The following MAP3K10 variants were observed in gnomAD, a reference collection of about 807,000 sequenced individuals.
MAP3K10 encodes the protein MKN28 derived nonreceptor_type serine/threonine kinase.
MAP3K10 carries 22 observed loss-of-function variants against 75.0 expected under a neutral mutation model. That is an observed-to-expected ratio of 0.29 (90% confidence interval 0.21 to 0.42). The LOEUF (loss-of-function observed/expected upper bound fraction) is 0.42, where lower values mean the gene tolerates loss of function less well. MAP3K10 is among the 10% of genes least tolerant of loss of function. MAP3K10 has a pLI of 1.00. For synonymous variants in MAP3K10, 599 were observed against 612.9 expected, an observed-to-expected ratio of 0.98 and a Z score of 0.34; for missense variants, 1,165 against 1,379.8, an observed-to-expected ratio of 0.84 and a Z score of 2.47.
rs113888448 is a variant in MAP3K10 at position 40,212,284 on chromosome 19, A to C, written c.1553-521A>C. 1.2e-4 allele frequency among the ~76,000 whole-genome samples: 18 copies of C among 152,104 alleles called. No individual in the cohort carries two copies. Among genetic ancestry groups the C allele is most frequent in the African/African-American group, 4.1e-4 (17 of 41,486 alleles). On this transcript the variant is annotated intron_variant, in intron 6 of 9. Coordinates refer to ENST00000253055, the MANE Select transcript of MAP3K10 (RefSeq NM_002446.4). This position sits in a 1 kb window ranked among gnomAD's most constrained non-coding sequence, Gnocchi z 4.2. Reference sequence around the variant, plus strand: ...GAAAGGCTAGCTCCCAAGTTCCAACACCTCATTCACCCCAGCACTGTCCCC... The same window carrying C: ...GAAAGGCTAGCTCCCAAGTTCCAACCCCTCATTCACCCCAGCACTGTCCCC...
chr19:40,194,158 C>T (rs969132731), intron 1 of MAP3K10, among the ~76,000 whole-genome samples: 3 of 152,066 alleles, frequency 2.0e-5, no homozygotes, highest in African/African-American at 4.8e-5. Flanking sequence ...GTCAGGAGTT[C>T]GAGACCAGCC....
chr19:40,206,117 C>G lies in MAP3K10; in HGVS notation c.1395C>G (p.Leu465=), dbSNP rs769604843. ...RKGNFKRSRL[L]KLREGGSHIS... ...GCAACTTCAAGCGCAGCCGCCTGCT[C>G]AAGCTGCGGGAAGGCGGCAGCCACA... Residue 465 remains leucine, a synonymous_variant, in exon 5 of 10, where the codon CTC becomes CTG. Coordinates refer to ENST00000253055, the MANE Select transcript of MAP3K10 (RefSeq NM_002446.4). 2 of 1,611,646 alleles carry G rather than the reference C, an allele frequency of 1.2e-6. No homozygotes were observed. The highest frequency in any genetic ancestry group is 1.7e-6 in the Non-Finnish European group (2 of 1,178,748).
At position 40,198,789 on chromosome 19, in the gene MAP3K10, C is replaced by T. The variant is rs747188383; in HGVS notation, c.863+234C>T. ...AGCTCATAGGATCTAGAGACAAGGC[C>T]GGGCGCGGGGGCGCACACCTGTAAT... On this transcript the variant is annotated intron_variant, in intron 2 of 9. Coordinates refer to ENST00000253055, the MANE Select transcript of MAP3K10 (RefSeq NM_002446.4). This position sits in a 1 kb window ranked among gnomAD's most constrained non-coding sequence, Gnocchi z 4.3. Among the ~76,000 whole-genome samples the T allele has an allele frequency of 3.3e-5, 5 of 152,252 alleles. No individual in the cohort carries two copies. Among genetic ancestry groups the T allele is most frequent in the Admixed American group, 1.3e-4 (2 of 15,286 alleles).
rs766421744 is a variant in MAP3K10 at position 40,206,048 on chromosome 19, G to A, written c.1326G>A (p.Met442Ile). The change falls in exon 5 of 10, where the codon ATG becomes ATA. Residue 442 changes from methionine (M) to isoleucine (I), a missense_variant. Physicochemically the swap from Met to Ile is conservative, Grantham distance 10. This residue lies in a region of MAP3K10 where 575 missense variants were observed against 793.2 expected (regional missense o/e 0.72). Transcript: ENST00000253055. ...DIVERELHLL[M>I]CQLSQEKPRV... ...TGGAACGGGAGCTGCACCTGCTCAT[G>A]TGCCAGCTGAGCCAGGAGAAGCCCC... The A allele has an allele frequency of 1.9e-6, 3 of 1,613,334 alleles. No homozygotes were observed. The highest frequency in any genetic ancestry group is 2.5e-6 in the Non-Finnish European group (3 of 1,179,702).
At chr19:40,214,901 A>G (rs1973321626) in intron 9 of MAP3K10, 69 bp from the exon 10 acceptor site, 5 of 718,094 alleles carry the variant, frequency 7.0e-6, no homozygotes, top group Non-Finnish European at 1.2e-5. Context: ...TTTTCATGTA[A>G]CAGCTCTGGG....
chr19:40,198,228 T>C lies in MAP3K10; in HGVS notation c.683-147T>C. The C allele has an allele frequency of 1.4e-6, 1 of 704,734 alleles. No homozygotes were observed. The highest frequency in any genetic ancestry group is 2.3e-6 in the Non-Finnish European group (1 of 432,016). The allele number at this position is 704,734 out of a possible 1,614,324, so 43.7% of individuals were successfully genotyped here. On this transcript the variant is annotated intron_variant, in intron 1 of 9. Coordinates refer to ENST00000253055, the MANE Select transcript of MAP3K10 (RefSeq NM_002446.4). This position sits in a 1 kb window ranked among gnomAD's most constrained non-coding sequence, Gnocchi z 4.3. Reference sequence around the variant, plus strand: ...CCTGGGCGGAGGGGCTCATGGATGTTCCAGGCCAGGAAAGGACCTGCCACA... The same window carrying C: ...CCTGGGCGGAGGGGCTCATGGATGTCCCAGGCCAGGAAAGGACCTGCCACA...
At position 40,208,345 on chromosome 19, in the gene MAP3K10, CTT is replaced by C. The variant is rs747110243; in HGVS notation, c.1436-735_1436-734del. ...CGCCACCACGCCTGGCTCTTTCTTT[CTT>C]TTTTTTTTTTTTTTTTTTTTTTGTA... On this transcript the variant is annotated intron_variant, in intron 5 of 9. Coordinates refer to ENST00000253055, the MANE Select transcript of MAP3K10 (RefSeq NM_002446.4). Among the ~76,000 whole-genome samples, 242 of 55,896 alleles carry C rather than the reference CTT, an allele frequency of 4.3e-3. 1 individual carries two copies. The highest frequency in any genetic ancestry group is 0.016 in the African/African-American group (237 of 15,252). 36.7% of individuals were successfully genotyped at this position (55,896 alleles called of 152,430 possible).
intron 2 of MAP3K10, among the ~76,000 whole-genome samples, chr19:40,199,092 C>T (rs904244935): frequency 6.6e-6 from 1 of 151,942 alleles, no homozygotes; most frequent in Non-Finnish European, 1.5e-5. Flanking sequence ...TTTAAAAAAG[C>T]ATAGAGACAG....
In MAP3K10 at chr19:40,212,739, T is replaced by C. The variant is rs1231828739; in HGVS notation, c.1553-66T>C. 3 of 1,548,288 alleles carry C rather than the reference T, an allele frequency of 1.9e-6. No individual in the cohort carries two copies. The highest frequency in any genetic ancestry group is 2.6e-6 in the Non-Finnish European group (3 of 1,146,688). On this transcript the variant is annotated intron_variant, in intron 6 of 9. Transcript: ENST00000253055. This position sits in a 1 kb window ranked among gnomAD's most constrained non-coding sequence, Gnocchi z 4.2. ...GAGGGTGGGCCTGAGCTGGGGGCACTGGAGGCTGGGAGCCCAGTGGGGACA... is the reference window on the plus strand; with the variant it reads ...GAGGGTGGGCCTGAGCTGGGGGCACCGGAGGCTGGGAGCCCAGTGGGGACA...
intron 1 of MAP3K10, among the ~76,000 whole-genome samples, chr19:40,193,822 G>A (rs1280308789): frequency 3.3e-5 from 5 of 152,196 alleles, no homozygotes; most frequent in Non-Finnish European, 7.3e-5. Context: ...AGTGGAGAAG[G>A]CCAGCATGTC....
At position 40,198,330 on chromosome 19, in the gene MAP3K10, G is replaced by A. The variant is rs377613864; in HGVS notation, c.683-45G>A. The A allele has an allele frequency of 1.0e-5, 16 of 1,564,324 alleles. No individual in the cohort carries two copies. The highest frequency in any genetic ancestry group is 4.5e-5 in the East Asian group (2 of 44,178). On this transcript the variant is annotated intron_variant, in intron 1 of 9. Transcript: ENST00000253055. The surrounding 1 kb of genome is among the most constrained non-coding windows in gnomAD (Gnocchi z 4.3). Reference sequence around the variant, plus strand: ...AGCGGGCCAGAACACTTGGGTCTGCGGCGTGGCAGGTCTGGGGTGACCCAC... The same window carrying A: ...AGCGGGCCAGAACACTTGGGTCTGCAGCGTGGCAGGTCTGGGGTGACCCAC...
chr19:40,199,328 A>T (rs1207623946), intron 2 of MAP3K10, among the ~76,000 whole-genome samples: 1 of 152,212 alleles, frequency 6.6e-6, no homozygotes, highest in Non-Finnish European at 1.5e-5. Flanking sequence ...TAAGAAAATT[A>T]TAATTTTTAA....
In MAP3K10 at chr19:40,215,203, A is replaced by G; in HGVS notation, c.2776A>G (p.Ser926Gly). Residue 926 changes from serine (S) to glycine (G), a missense_variant, in exon 10 of 10, where the codon AGC becomes GGC. Ser to Gly is a moderately conservative substitution (Grantham distance 56, BLOSUM62 0). This residue lies in a region of MAP3K10 where 590 missense variants were observed against 586.6 expected (regional missense o/e 1.01). Coordinates refer to ENST00000253055, the MANE Select transcript of MAP3K10 (RefSeq NM_002446.4). The stretch of plus-strand genomic sequence containing the variant: ...CACTCCGGAGAGCCCTGGGCCCCCC[A>G]GCGTGCAGCCCACACTGCTGGACAT... ...PDTPESPGPP[S>G]VQPTLLDMDM... 1 of 1,580,940 alleles carries G rather than the reference A, an allele frequency of 6.3e-7. No individual in the cohort carries two copies. The highest frequency in any genetic ancestry group is 8.6e-7 in the Non-Finnish European group (1 of 1,164,470).
Position 40,198,394 on chromosome 19 carries a change from C to T in MAP3K10, c.702C>T (p.Ile234=), listed in dbSNP as rs1972953015. ...CCACAGTCCTGATCCTGGAGGCCAT[C>T]GAGAACCACAACCTCGCAGACACGG... ...KSINILILEA[I]ENHNLADTVL... The change falls in exon 2 of 10, where the codon ATC becomes ATT. Residue 234 remains isoleucine, a synonymous_variant. Transcript: ENST00000253055. This position sits in a 1 kb window ranked among gnomAD's most constrained non-coding sequence, Gnocchi z 4.3. 1.2e-5 allele frequency: 19 copies of T among 1,613,398 alleles called. No individual in the cohort carries two copies. Among genetic ancestry groups the T allele is most frequent in the South Asian group, 3.3e-5 (3 of 90,988 alleles).
At chr19:40,199,495 C>T (rs1972977677) in intron 2 of MAP3K10, among the ~76,000 whole-genome samples, 1 of 151,946 alleles carries the variant, frequency 6.6e-6, no homozygotes, top group African/African-American at 2.4e-5. Context: ...GAACCAGTCA[C>T]GAAAAGTTTG....
At chr19:40,206,384 C>A in intron 5 of MAP3K10, 2 of 426,422 alleles carry the variant, frequency 4.7e-6, no homozygotes, top group Non-Finnish European at 8.0e-6. Flanking sequence ...GCCTGGGCAA[C>A]ATAGACCCCA....
Position 40,205,803 on chromosome 19 carries a change from G to A in MAP3K10, c.1189-108G>A. 5.6e-6 allele frequency: 7 copies of A among 1,246,748 alleles called. 1 individual carries two copies. In the South Asian group the frequency reaches 1.1e-4, roughly 20 times the overall value. The allele number at this position is 1,246,748 out of a possible 1,614,324, so 77.2% of individuals were successfully genotyped here. ...GGTGGTGAAACCAGTGTACCCCACA[G>A]CAAGGTACCCTTGTGTGAGGCACCA... On this transcript the variant is annotated intron_variant, in intron 4 of 9. Coordinates refer to ENST00000253055, the MANE Select transcript of MAP3K10 (RefSeq NM_002446.4). This position sits in a 1 kb window ranked among gnomAD's most constrained non-coding sequence, Gnocchi z 4.3.
chr19:40,206,901 C>T (rs1568491441), intron 5 of MAP3K10, among the ~76,000 whole-genome samples: 2 of 152,126 alleles, frequency 1.3e-5, no homozygotes, highest in Non-Finnish European at 2.9e-5. Context: ...CTAGAGCAGC[C>T]TGGCTCTAGA....
At position 40,213,998 on chromosome 19, in the gene MAP3K10, G is replaced by GCCCAGCCCCCCCCCCCCCCCCCCCCC; in HGVS notation, c.2322_2323insAGCCCCCCCCCCCCCCCCCCCCCCCC (p.Ser779ProfsTer52). On this transcript the variant is annotated frameshift_variant, in exon 9 of 10. Coordinates refer to ENST00000253055, the MANE Select transcript of MAP3K10 (RefSeq NM_002446.4). LOFTEE classifies it high-confidence loss of function. The surrounding 1 kb of genome is among the most constrained non-coding windows in gnomAD (Gnocchi z 5.7). ...ACAGTGACGAGGCCGCACCGGCCGC[G>GCCCAGCCCCCCCCCCCCCCCCCCCCC]CCCTCCCCACCACCCTCCCCGCCCG... 1 of 1,521,832 alleles carries GCCCAGCCCCCCCCCCCCCCCCCCCCC rather than the reference G, an allele frequency of 6.6e-7. No individual in the cohort carries two copies. The highest frequency in any genetic ancestry group is 8.8e-7 in the Non-Finnish European group (1 of 1,140,558). The allele number at this position is 1,521,832 out of a possible 1,614,324, so 94.3% of individuals were successfully genotyped here. A position where few individuals can be genotyped will look rare whatever the true frequency, so the allele number is the denominator to read the frequency against.
Sources: allele counts gnomAD v4.1 joint callset (sites outside exome capture counted in the v4.1 genomes callset), GRCh38; gene constraint gnomAD v4.1.1; regional missense constraint gnomAD v4.1.1; non-coding constraint Gnocchi (gnomAD v3.1); transcripts MANE v1.5; gene names NCBI Gene and HGNC (gene_info 2026-07-23, HGNC 2026-07-21).